The following ZNF469 variants were observed in gnomAD, a reference collection of about 807,000 sequenced individuals.
ZNF469 encodes zinc finger protein 469.
In ZNF469, 1 loss-of-function variant was observed where a neutral mutation model predicts 1.0. That is an observed-to-expected ratio of 1.00 (90% confidence interval 0.35 to 4.73). The LOEUF (loss-of-function observed/expected upper bound fraction) is 4.73, where lower values mean the gene tolerates loss of function less well. ZNF469 is among the 30% of genes most tolerant of loss of function. The probability of loss-of-function intolerance (pLI) is 0.16; values close to 1 mark genes in which losing one functional copy is unlikely to be tolerated. For synonymous variants in ZNF469, 2,703 were observed against 2,363.4 expected (o/e 1.14, Z -4.17); for missense variants, 6,100 against 5,356.3 (o/e 1.14, Z -4.33).
chr16:88,158,969 C>T, the ZNF469 span, among the ~76,000 whole-genome samples: 1 of 152,206 alleles, frequency 6.6e-6, no homozygotes, highest in Admixed American at 6.5e-5. Context: ...TGCACACGTG[C>T]TGGTCCAGTG....
Position 88,434,931 on chromosome 16 carries a change from G to T in ZNF469, c.7461G>T (p.Leu2487=). The change falls in exon 3 of 3, where the codon CTG becomes CTT. Residue 2487 remains leucine, a synonymous_variant. Coordinates refer to ENST00000565624, the MANE Select transcript of ZNF469 (RefSeq NM_001367624.2). ...CCTCCTTCCGCTCCGGGCCGGGCCTGAGCCGGCACAAGGCCAGGAAGCACC... is the reference window on the plus strand; with the variant it reads ...CCTCCTTCCGCTCCGGGCCGGGCCTTAGCCGGCACAAGGCCAGGAAGCACC... ...CAASFRSGPG[L]SRHKARKHRP... 6.5e-7 allele frequency: 1 copy of T among 1,550,154 alleles called. No homozygotes were observed. Among genetic ancestry groups the T allele is most frequent in the Non-Finnish European group, 8.7e-7 (1 of 1,146,970 alleles).
the ZNF469 span, among the ~76,000 whole-genome samples, chr16:88,328,911 G>T: frequency 6.6e-6 from 1 of 152,162 alleles, no homozygotes; most frequent in East Asian, 1.9e-4. Context: ...AAGCGGAGGA[G>T]GCCGAGGAGG....
chr16:88,169,450 C>G, the ZNF469 span, among the ~76,000 whole-genome samples: 2 of 152,148 alleles, frequency 1.3e-5, no homozygotes, highest in East Asian at 3.9e-4. The surrounding 1 kb of genome is among the most constrained non-coding windows in gnomAD (Gnocchi z 6.1). Flanking sequence ...ATGATTTTGC[C>G]TGTTCCAGAA....
At chr16:88,144,082 C>T in the ZNF469 span, among the ~76,000 whole-genome samples, 79 of 152,310 alleles carry the variant, frequency 5.2e-4, no homozygotes, top group Admixed American at 1.7e-3. Context: ...TGGGGAGTGG[C>T]CTCACACCCC....
At chr16:88,116,276 C>T in the ZNF469 span, among the ~76,000 whole-genome samples, 1 of 152,152 alleles carries the variant, frequency 6.6e-6, no homozygotes, top group Non-Finnish European at 1.5e-5. Context: ...GCAGGGATTG[C>T]CACACCCCCA....
the ZNF469 span, among the ~76,000 whole-genome samples, chr16:88,366,427 A>G: frequency 6.6e-6 from 1 of 150,880 alleles, no homozygotes; most frequent in African/African-American, 2.4e-5. Flanking sequence ...CATCATCACT[A>G]TTGTCACCAC....
rs972822287 is a variant in ZNF469, at chr16:88,407,177, C to T, written c.-191-17630C>T. 4.6e-5 allele frequency among the ~76,000 whole-genome samples: 7 copies of T among 152,188 alleles called. 1 individual carries two copies. In the South Asian group the frequency reaches 8.3e-4, roughly 18 times the overall value. ...CCAGCTGTCCCTGAGTGGGCGGCTG[C>T]GGCTCAGAGCTCCCAAAGGGGTGAG... On this transcript the variant is annotated intron_variant, in intron 1 of 2. Transcript: ENST00000565624.
At chr16:88,277,421 C>T in the ZNF469 span, among the ~76,000 whole-genome samples, 6 of 146,106 alleles carry the variant, frequency 4.1e-5, no homozygotes, top group African/African-American at 1.3e-4. Flanking sequence ...GATATCAGTG[C>T]ACGGTTAGTG....
chr16:88,376,533 C>T, the ZNF469 span, among the ~76,000 whole-genome samples: 2 of 152,230 alleles, frequency 1.3e-5, no homozygotes, highest in Admixed American at 1.3e-4. Flanking sequence ...GTGAACGGGC[C>T]CATTCATGCG....
At chr16:88,150,790 C>T in the ZNF469 span, among the ~76,000 whole-genome samples, 1 of 151,916 alleles carries the variant, frequency 6.6e-6, no homozygotes, top group Non-Finnish European at 1.5e-5. Context: ...GAGGAAGCAG[C>T]CTCTAAGGAA....
At chr16:88,334,010 TTGTG>T in the ZNF469 span, among the ~76,000 whole-genome samples, 22 of 148,428 alleles carry the variant, frequency 1.5e-4, no homozygotes, top group East Asian at 7.9e-4. Flanking sequence ...GTCTATGTGT[TTGTG>T]TGTGTGTGTC....
chr16:88,125,562 T>C, the ZNF469 span, among the ~76,000 whole-genome samples: 300 of 152,364 alleles, frequency 2.0e-3, 2 homozygotes, highest in African/African-American at 6.4e-3. Context: ...ATCCAATCCA[T>C]GAACATAGTT....
the ZNF469 span, among the ~76,000 whole-genome samples, chr16:88,259,504 G>C: frequency 6.6e-6 from 1 of 152,178 alleles, no homozygotes; most frequent in African/African-American, 2.4e-5. This position sits in a 1 kb window ranked among gnomAD's most constrained non-coding sequence, Gnocchi z 4.1. Context: ...GTGGTCTTCT[G>C]TTCATTTCGT....
At chr16:88,415,404 C>G (rs1905277069) in intron 1 of ZNF469, among the ~76,000 whole-genome samples, 1 of 152,226 alleles carries the variant, frequency 6.6e-6, no homozygotes, top group Non-Finnish European at 1.5e-5. Context: ...AGACTCCACC[C>G]CTGGCTGAAG....
the ZNF469 span, among the ~76,000 whole-genome samples, chr16:88,285,240 C>T: frequency 2.0e-4 from 31 of 152,384 alleles, no homozygotes; most frequent in Middle Eastern, 3.4e-3. Context: ...GCATCAGCCC[C>T]GCCTCCCGCA....
the ZNF469 span, among the ~76,000 whole-genome samples, chr16:88,184,863 C>T: frequency 2.6e-5 from 4 of 152,206 alleles, no homozygotes; most frequent in African/African-American, 4.8e-5. Flanking sequence ...GGGACACGTG[C>T]GTGCACAGAC....
chr16:88,122,088 G>A, the ZNF469 span, among the ~76,000 whole-genome samples: 2 of 145,644 alleles, frequency 1.4e-5, no homozygotes, highest in Non-Finnish European at 3.1e-5. Context: ...CTGCGGCCTC[G>A]GCAGCCCCTC....
chr16:88,195,978 G>C, the ZNF469 span, among the ~76,000 whole-genome samples: 1 of 152,244 alleles, frequency 6.6e-6, no homozygotes, highest in African/African-American at 2.4e-5. Context: ...ATTCTGCCCA[G>C]AGGAGGCTGC....
At chr16:88,302,898 G>A in the ZNF469 span, among the ~76,000 whole-genome samples, 769 of 152,332 alleles carry the variant, frequency 5.0e-3, 20 homozygotes, top group Admixed American at 0.041. Flanking sequence ...TGGGGCTGCC[G>A]AAAAGGGGAG....
Sources: gnomAD v4.1 joint callset for allele counts (sites outside exome capture counted in the v4.1 genomes callset) on GRCh38, gnomAD v4.1.1 for gene constraint, Gnocchi (gnomAD v3.1) non-coding constraint, MANE v1.5 for transcripts, NCBI Gene and HGNC (gene_info 2026-07-23, HGNC 2026-07-21) for gene names.